PLAC1: variants seen among roughly 807,000 people sequenced by gnomAD.
PLAC1 encodes the protein placenta-specific protein 1.
For synonymous variants in PLAC1, 68 were observed against 62.1 expected (o/e 1.09, Z -0.44); for missense variants, 136 against 163.2 (o/e 0.83, Z 0.91).
intron 1 of PLAC1, among the ~76,000 whole-genome samples, chrX:134,737,760 C>T (rs2078706560): frequency 8.9e-6 from 1 of 112,598 alleles, no homozygotes; most frequent in Non-Finnish European, 1.9e-5. Flanking sequence ...GCTAGTTTGG[C>T]TTATGGGAAG....
At chrX:134,720,797 A>G (rs1465689986) in intron 2 of PLAC1, among the ~76,000 whole-genome samples, 1 of 112,524 alleles carries the variant, frequency 8.9e-6, no homozygotes, top group Non-Finnish European at 1.9e-5. Context: ...CTGGGACCAC[A>G]GGAGTGTGCC....
At chrX:134,702,675 T>C (rs1259244643) in intron 2 of PLAC1, among the ~76,000 whole-genome samples, 1 of 111,833 alleles carries the variant, frequency 8.9e-6, no homozygotes, top group Non-Finnish European at 1.9e-5. Context: ...TGGGATCATT[T>C]GTATCCCAAA....
At chrX:134,726,450 G>A (rs958347247) in intron 2 of PLAC1, among the ~76,000 whole-genome samples, 5 of 111,695 alleles carry the variant, frequency 4.5e-5, no homozygotes, top group African/African-American at 1.6e-4. Flanking sequence ...TATTTCTAAT[G>A]CCTGACACTT....
At chrX:134,567,458 C>T (rs768795410) in intron 2 of PLAC1, among the ~76,000 whole-genome samples, 6 of 111,258 alleles carry the variant, frequency 5.4e-5, no homozygotes, top group African/African-American at 6.5e-5. Context: ...TGAAAACTAC[C>T]GTAAAAGTCT....
chrX:134,739,002 T>G (rs1196190038), intron 1 of PLAC1, among the ~76,000 whole-genome samples: 2 of 112,536 alleles, frequency 1.8e-5, no homozygotes, highest in South Asian at 3.7e-4. Flanking sequence ...TGGCTTAAAA[T>G]GTGGGTAAAA....
chrX:134,586,076 T>G (rs1487819729), intron 2 of PLAC1, among the ~76,000 whole-genome samples: 1 of 112,110 alleles, frequency 8.9e-6, no homozygotes, highest in Non-Finnish European at 1.9e-5. Flanking sequence ...AAAGGAAGTT[T>G]GTATACATAG....
Position 134,566,591 on chromosome X carries a change from G to C in PLAC1, c.92C>G (p.Ser31Cys). 8.3e-7 allele frequency: 1 copy of C among 1,210,629 alleles called. No individual in the cohort carries two copies. Among genetic ancestry groups the C allele is most frequent in the Non-Finnish European group, 1.1e-6 (1 of 894,480 alleles). ...CACTGTGACCATGAACCAGTCTATG[G>C]AGCACAGCACAGTCATTGGACTTTG... ...SGQSPMTVLC[S>C]IDWFMVTVHP... Residue 31 changes from serine (S) to cysteine (C), a missense_variant, in exon 3 of 3, where the codon TCC (serine) becomes TGC (cysteine). Transcript: ENST00000359237.
At chrX:134,754,212 T>C (rs944569601) in intron 1 of PLAC1, among the ~76,000 whole-genome samples, 4 of 112,419 alleles carry the variant, frequency 3.6e-5, no homozygotes, top group African/African-American at 1.3e-4. Context: ...GTTGTCCCTA[T>C]CAATTTATAT....
chrX:134,745,229 G>A (rs1316351525), intron 1 of PLAC1, among the ~76,000 whole-genome samples: 1 of 111,740 alleles, frequency 8.9e-6, no homozygotes, highest in African/African-American at 3.3e-5. Flanking sequence ...TATGGAGTGA[G>A]AGAGATCTCT....
At chrX:134,745,468 G>T (rs951084607) in intron 1 of PLAC1, among the ~76,000 whole-genome samples, 7 of 111,855 alleles carry the variant, frequency 6.3e-5, no homozygotes, top group African/African-American at 2.3e-4. Flanking sequence ...AATGTAAGAG[G>T]TAAAATGGAT....
At chrX:134,586,827 C>T (rs1052531585) in intron 2 of PLAC1, among the ~76,000 whole-genome samples, 3 of 63,428 alleles carry the variant, frequency 4.7e-5, no homozygotes, top group African/African-American at 1.5e-4. Context: ...TGCACTACCA[C>T]GCCCAGCTAA....
At chrX:134,659,978 T>A (rs2078409999), upstream of PLAC1, among the ~76,000 whole-genome samples, 1 of 111,953 alleles carries the variant, frequency 8.9e-6, no homozygotes, top group African/African-American at 3.2e-5. Flanking sequence ...TAGAACTTAC[T>A]AAGTCCGTGA....
intron 1 of PLAC1, chrX:134,605,534 G>C (rs1043580343): frequency 1.8e-5 from 2 of 112,832 alleles, no homozygotes; most frequent in African/African-American, 6.4e-5. Context: ...AATCAGGATA[G>C]CTGAGTCTGA....
chrX:134,682,551 C>CT (rs1333913929), intron 2 of PLAC1, among the ~76,000 whole-genome samples: 35 of 104,599 alleles, frequency 3.3e-4, no homozygotes, highest in South Asian at 8.3e-4. Flanking sequence ...TCTCTATCTG[C>CT]TTTTTTTTTT....
At position 134,663,927 on chromosome X, in the gene PLAC1, GA is replaced by G. The variant is rs201126553; in HGVS notation, n.175-61806del. ...ATATTTCATCTTTGCTCTGCTAACA[GA>G]AAAAAAAAAAGAAAAGAAATGTGTT... is the stretch of plus-strand genomic sequence containing the variant. On this transcript the variant is annotated intron_variant and non_coding_transcript_variant, in intron 2 of 2. Transcript: ENST00000466797. Among the ~76,000 whole-genome samples the G allele has an allele frequency of 1.5e-3, 149 of 100,977 alleles. 1 individual carries two copies. The highest frequency in any genetic ancestry group is 8.2e-3 in the East Asian group (27 of 3,285). 87.7% of individuals were successfully genotyped at this position (100,977 alleles called of 115,157 possible).
intron 2 of PLAC1, among the ~76,000 whole-genome samples, chrX:134,709,341 G>A (rs974100075): frequency 8.9e-6 from 1 of 112,513 alleles, no homozygotes; most frequent in Non-Finnish European, 1.9e-5. Flanking sequence ...TTAAAACAAC[G>A]TAGGCCAGGC....
At chrX:134,736,996 A>C (rs1303241712) in intron 1 of PLAC1, among the ~76,000 whole-genome samples, 1 of 112,600 alleles carries the variant, frequency 8.9e-6, no homozygotes, top group East Asian at 2.8e-4. Context: ...CCCAGAGAGA[A>C]GTCTATGAAG....
At chrX:134,750,833 ATTT>A (rs2078740256) in intron 1 of PLAC1, among the ~76,000 whole-genome samples, 1 of 30,968 alleles carries the variant, frequency 3.2e-5, no homozygotes, top group African/African-American at 2.2e-4. Flanking sequence ...ATATATATAT[ATTT>A]ATATATATAT....
rs143596792 is a variant in PLAC1 at position 134,667,323 on chromosome X, A to G, written n.175-65201T>C. Among the ~76,000 whole-genome samples, 961 of 112,333 alleles carry G rather than the reference A, an allele frequency of 8.6e-3. 11 individuals are homozygous for G. The highest frequency in any genetic ancestry group is 0.03 in the African/African-American group (924 of 30,933). ...TTACATGCAAAACACTTAAGACTCCATAAAGCAAAAAGACAAATAACCCAA... is the reference window on the plus strand; with the variant it reads ...TTACATGCAAAACACTTAAGACTCCGTAAAGCAAAAAGACAAATAACCCAA... On this transcript the variant is annotated intron_variant and non_coding_transcript_variant, in intron 2 of 2. Transcript: ENST00000466797.
Sources: gnomAD v4.1 joint callset for allele counts (sites outside exome capture counted in the v4.1 genomes callset) on GRCh38, gnomAD v4.1.1 for gene constraint, MANE v1.5 for transcripts, NCBI Gene and HGNC (gene_info 2026-07-23, HGNC 2026-07-21) for gene names.